PFKFB3: variants seen among roughly 807,000 people sequenced by gnomAD.
PFKFB3 encodes the protein 6-phosphofructo-2-kinase/fructose-2,6-biphosphatase 3.
Under a neutral mutation model 68.0 loss-of-function variants are expected in PFKFB3, and 33 were observed. That is an observed-to-expected ratio of 0.49 (90% CI 0.37 to 0.65). PFKFB3 has a LOEUF of 0.65. Among genes scored for constraint, PFKFB3 ranks in the 30% least tolerant of loss-of-function variants. The pLI, the probability that PFKFB3 is intolerant of heterozygous loss-of-function variation, is 0.00. For synonymous variants in PFKFB3, 315 were observed against 288.2 expected, an observed-to-expected ratio of 1.09 and a Z score of -0.94; for missense variants, 586 against 712.2, an observed-to-expected ratio of 0.82 and a Z score of 2.02.
chr10:6,238,477 CA>C (rs71390201), downstream of PFKFB3, among the ~76,000 whole-genome samples: 2,129 of 88,474 alleles, frequency 0.024, 16 homozygotes, highest in South Asian at 0.058. Flanking sequence ...GGTGCCATCT[CA>C]AAAAAAAAAA....
Position 6,229,362 on chromosome 10 carries a change from G to C in PFKFB3, c.1515+2997G>C, listed in dbSNP as rs535276301. The stretch of plus-strand genomic sequence containing the variant: ...CTTCCAGCAGGTGAGCCGCAGAGCC[G>C]GGGCCTGAAAGGCCCCTTGCTTCAG... On this transcript the variant is annotated intron_variant, in intron 14 of 14. Coordinates refer to ENST00000379775, the MANE Select transcript of PFKFB3 (RefSeq NM_004566.4). The surrounding 1 kb of genome is among the most constrained non-coding windows in gnomAD (Gnocchi z 4.3). Among the ~76,000 whole-genome samples the C allele has an allele frequency of 6.6e-6, 1 of 152,206 alleles. No homozygotes were observed. Among genetic ancestry groups the C allele is most frequent in the African/African-American group, 2.4e-5 (1 of 41,460 alleles).
chr10:6,182,652 A>G (rs1842751621), intron 1 of PFKFB3, among the ~76,000 whole-genome samples: 1 of 152,190 alleles, frequency 6.6e-6, no homozygotes, highest in Admixed American at 6.5e-5. Flanking sequence ...ATTGTCTCCC[A>G]GCCTCAGGCC....
chr10:6,180,762 G>C (rs540625832), intron 1 of PFKFB3, among the ~76,000 whole-genome samples: 18 of 152,258 alleles, frequency 1.2e-4, no homozygotes, highest in African/African-American at 4.3e-4. Context: ...CCGTGCCCTA[G>C]GTTATTTTAA....
intron 1 of PFKFB3, among the ~76,000 whole-genome samples, chr10:6,169,065 C>T (rs1842226820): frequency 6.6e-6 from 1 of 152,206 alleles, no homozygotes; most frequent in South Asian, 2.1e-4. Context: ...CTCAGCCTCC[C>T]AAGTAGCTGG....
the PFKFB3 span, among the ~76,000 whole-genome samples, chr10:6,283,206 G>A: frequency 6.6e-6 from 1 of 152,168 alleles, no homozygotes; most frequent in Non-Finnish European, 1.5e-5. Context: ...GACATCAGGT[G>A]ATCCACCCGC....
chr10:6,283,663 A>G, the PFKFB3 span, among the ~76,000 whole-genome samples: 1 of 152,226 alleles, frequency 6.6e-6, no homozygotes, highest in Non-Finnish European at 1.5e-5. Flanking sequence ...AACCTTGTTC[A>G]GTTTTTAGTG....
At chr10:6,281,166 C>CTCATATATATATATATATATAT in the PFKFB3 span, among the ~76,000 whole-genome samples, 1,767 of 84,302 alleles carry the variant, frequency 0.021, 398 homozygotes, top group African/African-American at 0.034. Flanking sequence ...AGTATTCCAT[C>CTCATATATATATATATATATAT]ATATATATAT....
chr10:6,189,123 G>A (rs374830439), intron 1 of PFKFB3, among the ~76,000 whole-genome samples: 9 of 152,192 alleles, frequency 5.9e-5, no homozygotes, highest in South Asian at 2.1e-4. Flanking sequence ...ACAGGCGTGA[G>A]CCACCGCACC....
chr10:6,277,861 TG>T, the PFKFB3 span: 2 of 229,898 alleles, frequency 8.7e-6, no homozygotes, highest in African/African-American at 4.7e-5. Flanking sequence ...AACCTGCTAG[TG>T]GACTTCTTCA....
At chr10:6,280,791 T>C in the PFKFB3 span, among the ~76,000 whole-genome samples, 1 of 151,930 alleles carries the variant, frequency 6.6e-6, no homozygotes, top group Non-Finnish European at 1.5e-5. Context: ...ACATGCTTTT[T>C]TTTTTGTTTT....
intron 8 of PFKFB3, among the ~76,000 whole-genome samples, 174 bp downstream of exon 8, chr10:6,221,039 CTGTA>C (rs3083330): frequency 0.6 from 90,673 of 151,316 alleles, 28,591 homozygotes; most frequent in Non-Finnish European, 0.71. Flanking sequence ...GTGTGCATCT[CTGTA>C]TGGCTCTGTG....
At chr10:6,203,694 C>A (rs1300143996) in intron 1 of PFKFB3, among the ~76,000 whole-genome samples, 1 of 152,044 alleles carries the variant, frequency 6.6e-6, no homozygotes, top group African/African-American at 2.4e-5. Context: ...GCCCAGGGAC[C>A]CGGCCGCTCG....
Position 6,194,180 on chromosome 10 carries a change from C to T in PFKFB3, c.17-19443C>T, listed in dbSNP as rs79188872. 5.3e-5 allele frequency among the ~76,000 whole-genome samples: 8 copies of T among 152,264 alleles called. No homozygotes were observed. The East Asian group carries it at 5.8e-4, about 11-fold the overall frequency. On this transcript the variant is annotated intron_variant, in intron 1 of 14. Transcript: ENST00000379789. ...GTTGGGGTTCCTAACTCCCAAGCCA[C>T]GTCCCCAGCCACCTACCGCAGTCAC... is the stretch of plus-strand genomic sequence containing the variant.
At chr10:6,325,613 T>C in the PFKFB3 span, among the ~76,000 whole-genome samples, 1 of 152,162 alleles carries the variant, frequency 6.6e-6, no homozygotes, top group Admixed American at 6.5e-5. Flanking sequence ...AGACAAAAAT[T>C]TCCTGAAAGA....
chr10:6,250,515 G>A (rs1846356191), intron 14 of PFKFB3, among the ~76,000 whole-genome samples: 1 of 151,556 alleles, frequency 6.6e-6, no homozygotes, highest in South Asian at 2.1e-4. Context: ...AGCTTGCAGT[G>A]AGCCAAGATC....
At chr10:6,194,071 T>A (rs1843103070) in intron 1 of PFKFB3, among the ~76,000 whole-genome samples, 1 of 152,204 alleles carries the variant, frequency 6.6e-6, no homozygotes, top group South Asian at 2.1e-4. Flanking sequence ...ACCATTGGTG[T>A]CTGCCATTTG....
chr10:6,301,820 A>G, the PFKFB3 span, among the ~76,000 whole-genome samples: 1 of 152,218 alleles, frequency 6.6e-6, no homozygotes, highest in African/African-American at 2.4e-5. Context: ...CGTTATGACT[A>G]AATTTCAGGA....
chr10:6,179,760 G>T (rs933095282), intron 1 of PFKFB3, among the ~76,000 whole-genome samples: 1 of 152,124 alleles, frequency 6.6e-6, no homozygotes. Context: ...GCATGCAGAC[G>T]CCAGGATTAT....
rs1005055151 is a variant in PFKFB3, at chr10:6,228,329, G to A, written c.1515+1964G>A. The A allele has an allele frequency of 1.9e-5, 22 of 1,181,302 alleles. 1 individual carries two copies. The highest frequency in any genetic ancestry group is 2.5e-5 in the Non-Finnish European group (20 of 792,216). 73.2% of individuals were successfully genotyped at this position (1,181,302 alleles called of 1,614,324 possible). A position where few individuals can be genotyped will look rare whatever the true frequency, so the allele number is the denominator to read the frequency against. ...GATGAGAGCAGTTTTGTGATGTGAG[G>A]TCTTCCGTGGGGGAAGGAGGAGATG... On this transcript the variant is annotated intron_variant, in intron 14 of 14. Transcript: ENST00000379775. The surrounding 1 kb of genome is among the most constrained non-coding windows in gnomAD (Gnocchi z 4.5).
Sources: allele counts gnomAD v4.1 joint callset (sites outside exome capture counted in the v4.1 genomes callset), GRCh38; gene constraint gnomAD v4.1.1; non-coding constraint Gnocchi (gnomAD v3.1); transcripts MANE v1.5; gene names NCBI Gene and HGNC (gene_info 2026-07-23, HGNC 2026-07-21).